CHST3: variants seen among roughly 807,000 people sequenced by gnomAD.
CHST3 encodes the protein C6ST-1.
Under a neutral mutation model 35.4 loss-of-function variants are expected in CHST3, and 20 were observed. The observed-to-expected ratio is 0.57, with a 90% CI of 0.40 to 0.82. The LOEUF (loss-of-function observed/expected upper bound fraction) is 0.82, where lower values mean the gene tolerates loss of function less well. CHST3 is among the 40% of genes least tolerant of loss of function. The pLI is 0.00. For missense variants in CHST3, 693 were observed against 670.1 expected, an observed-to-expected ratio of 1.03 and a Z score of -0.38; for synonymous variants, 334 against 295.9, an observed-to-expected ratio of 1.13 and a Z score of -1.32.
In CHST3 at chr10:72,008,259, G is replaced by A. The variant is rs748327640; in HGVS notation, c.1228G>A (p.Asp410Asn). ...WIQKNTQAAH[D>N]GSGIYSTQKN... ...CCAAAAGAACACGCAGGCGGCCCACGACGGCAGCGGCATCTACTCCACGCA... is the reference window on the plus strand; with the variant it reads ...CCAAAAGAACACGCAGGCGGCCCACAACGGCAGCGGCATCTACTCCACGCA... The change falls in exon 3 of 3, where the codon GAC (aspartate) becomes AAC (asparagine). Residue 410 changes from aspartate (D) to asparagine (N), a missense_variant. Transcript: ENST00000373115. The A allele has an allele frequency of 1.9e-6, 3 of 1,579,750 alleles. No homozygotes were observed. Among genetic ancestry groups the A allele is most frequent in the Non-Finnish European group, 2.6e-6 (3 of 1,163,440 alleles).
At position 72,007,935 on chromosome 10, in the gene CHST3, G is replaced by A. The variant is rs1316347883; in HGVS notation, c.904G>A (p.Asp302Asn). Residue 302 changes from aspartate (D) to asparagine (N), a missense_variant, in exon 3 of 3, where the codon GAC (aspartate) becomes AAC (asparagine). Physicochemically the swap from Asp to Asn is conservative, Grantham distance 23. Transcript: ENST00000373115. Reference sequence around the variant, plus strand: ...CCTGCGCGTCATCCAGCTGGTGCGCGACCCCCGGGCCGTGCTGGCCTCGCG... The same window carrying A: ...CCTGCGCGTCATCCAGCTGGTGCGCAACCCCCGGGCCGTGCTGGCCTCGCG... Reference protein sequence around the residue: ...LDLRVIQLVRDPRAVLASRMV... With the variant: ...LDLRVIQLVRNPRAVLASRMV... The A allele has an allele frequency of 2.6e-6, 4 of 1,551,060 alleles. No individual in the cohort carries two copies. The highest frequency in any genetic ancestry group is 1.7e-4 in the Middle Eastern group (1 of 5,720).
rs576864350 is a variant in CHST3 at position 71,987,215 on chromosome 10, C to T, written c.-107-18521C>T. ...GCCCCTCTCTCCCTAACCGCTGCTTCTCCTACAGATCTAGTGCAGAGATGT... is the reference window on the plus strand; with the variant it reads ...GCCCCTCTCTCCCTAACCGCTGCTTTTCCTACAGATCTAGTGCAGAGATGT... On this transcript the variant is annotated intron_variant, in intron 1 of 2. Coordinates refer to ENST00000373115, the MANE Select transcript of CHST3 (RefSeq NM_004273.5). Among the ~76,000 whole-genome samples the T allele has an allele frequency of 4.6e-5, 7 of 152,152 alleles. No homozygotes were observed. In the South Asian group the frequency reaches 1.2e-3, roughly 27 times the overall value.
intron 1 of CHST3, among the ~76,000 whole-genome samples, chr10:72,004,720 G>A (rs747140264): frequency 6.6e-6 from 1 of 152,246 alleles, no homozygotes; most frequent in Non-Finnish European, 1.5e-5. Context: ...CCCGGCATTT[G>A]TTTCTGAATG....
At chr10:72,005,651 G>A (rs979153704) in intron 1 of CHST3, 85 bp from the exon 2 acceptor site, 20 of 680,092 alleles carry the variant, frequency 2.9e-5, no homozygotes, top group South Asian at 2.0e-4. Flanking sequence ...AACCAGGGCC[G>A]AGATCCTCAA....
Position 72,007,333 on chromosome 10 carries a change from TG to T in CHST3, c.305del (p.Gly102AlafsTer114). On this transcript the variant is annotated frameshift_variant, in exon 3 of 3. Transcript: ENST00000373115. LOFTEE classifies it high-confidence loss of function. ...QSRLRNLSLQ[L>X]GVEPAMEAAG... is the part of the protein sequence containing the mutation. Reference sequence around the variant, plus strand: ...CGTCTCCGCAACCTCAGCTTGCAGCTGGGCGTGGAGCCAGCCATGGAGGCCG... The same window carrying T: ...CGTCTCCGCAACCTCAGCTTGCAGCTGGCGTGGAGCCAGCCATGGAGGCCG... The T allele has an allele frequency of 6.2e-7, 1 of 1,610,740 alleles. No homozygotes were observed.
intron 1 of CHST3, among the ~76,000 whole-genome samples, chr10:71,992,090 G>C (rs1207157483): frequency 6.6e-6 from 1 of 152,184 alleles, no homozygotes; most frequent in Non-Finnish European, 1.5e-5. Context: ...CTTTTTGCTG[G>C]AGAGGGTCTT....
intron 1 of CHST3, among the ~76,000 whole-genome samples, chr10:71,982,934 G>T (rs553917922): frequency 6.6e-6 from 1 of 152,156 alleles, no homozygotes; most frequent in African/African-American, 2.4e-5. Context: ...CAGGTTGTCC[G>T]ACCCCTTCTT....
At chr10:71,978,030 C>T (rs1158376927) in intron 1 of CHST3, among the ~76,000 whole-genome samples, 4 of 152,226 alleles carry the variant, frequency 2.6e-5, no homozygotes, top group Admixed American at 2.6e-4. Context: ...CCTACGCCTT[C>T]CTATGCCTCT....
intron 1 of CHST3, among the ~76,000 whole-genome samples, chr10:71,984,319 G>A (rs944968067): frequency 1.1e-4 from 17 of 152,236 alleles, no homozygotes; most frequent in East Asian, 9.6e-4. Context: ...CACCATGCTC[G>A]GCTGACGGCC....
chr10:71,970,098 G>A (rs927169379), intron 1 of CHST3, among the ~76,000 whole-genome samples: 3 of 152,204 alleles, frequency 2.0e-5, no homozygotes, highest in Non-Finnish European at 4.4e-5. Context: ...TGTGCTTGCC[G>A]GTGGACACGC....
At chr10:72,006,202 C>G (rs529583628) in intron 2 of CHST3, among the ~76,000 whole-genome samples, 1 of 152,330 alleles carries the variant, frequency 6.6e-6, no homozygotes, top group South Asian at 2.1e-4. Context: ...GTTGGAGCCC[C>G]CCCATGTTGG....
At chr10:72,005,629 G>A (rs928217637) in intron 1 of CHST3, 107 bp from the exon 2 acceptor site, 1 of 610,804 alleles carries the variant, frequency 1.6e-6, no homozygotes, top group African/African-American at 1.8e-5. Flanking sequence ...TGGGTCTGGG[G>A]TCCTGGCTGC....
intron 1 of CHST3, among the ~76,000 whole-genome samples, chr10:72,000,865 G>A (rs1839985973): frequency 6.6e-6 from 1 of 152,112 alleles, no homozygotes; most frequent in Non-Finnish European, 1.5e-5. Context: ...AGGGAAGCAG[G>A]AGGGGGTGTG....
intron 1 of CHST3, among the ~76,000 whole-genome samples, chr10:71,975,857 C>A (rs1839739999): frequency 6.6e-6 from 1 of 152,278 alleles, no homozygotes; most frequent in African/African-American, 2.4e-5. Context: ...GAATGACATC[C>A]TCTCACCTTC....
intron 1 of CHST3, among the ~76,000 whole-genome samples, chr10:71,994,735 G>C (rs1333020933): frequency 1.3e-5 from 2 of 152,210 alleles, no homozygotes; most frequent in African/African-American, 2.4e-5. Flanking sequence ...TCAATAGAAG[G>C]CTGTTTGGTC....
chr10:71,976,952 C>T (rs925973606), intron 1 of CHST3, among the ~76,000 whole-genome samples: 5 of 152,154 alleles, frequency 3.3e-5, no homozygotes, highest in Admixed American at 2.0e-4. Flanking sequence ...TTTCCCATGC[C>T]GGACTCAGAC....
intron 1 of CHST3, among the ~76,000 whole-genome samples, chr10:71,980,343 CAACCCGGGCAACAAAGTGAAAAAAGA>C (rs1441778380): frequency 6.6e-6 from 1 of 152,084 alleles, no homozygotes; most frequent in Non-Finnish European, 1.5e-5. Context: ...CGTTGTACTC[CAACCCGGGCAACAAAGTGAAAAAAGA>C]AACTCATGCT....
chr10:71,991,991 T>C (rs1223999531), intron 1 of CHST3, among the ~76,000 whole-genome samples: 2 of 152,090 alleles, frequency 1.3e-5, no homozygotes, highest in Non-Finnish European at 2.9e-5. Flanking sequence ...TACAGTAGTA[T>C]GTCTAAAAAA....
chr10:72,004,712 C>T (rs528023889), intron 1 of CHST3, among the ~76,000 whole-genome samples: 5 of 152,096 alleles, frequency 3.3e-5, no homozygotes, highest in African/African-American at 4.8e-5. Context: ...ATTTTCTTCC[C>T]GGCATTTGTT....
Sources: gnomAD v4.1 joint callset for allele counts (sites outside exome capture counted in the v4.1 genomes callset) on GRCh38, gnomAD v4.1.1 for gene constraint, MANE v1.5 for transcripts, NCBI Gene and HGNC (gene_info 2026-07-23, HGNC 2026-07-21) for gene names.